Variants in LHX8 observed in about 807,000 individuals in gnomAD.
LHX8 encodes the protein LIM homeobox 8.
Under a neutral mutation model 40.3 loss-of-function variants are expected in LHX8, and 12 were observed. The ratio of observed to expected loss-of-function variants is 0.30; its 90% CI spans 0.19 to 0.48. LHX8 has a LOEUF of 0.48. LHX8 is among the 20% of genes least tolerant of loss of function. LHX8 has a pLI of 0.99. For missense variants in LHX8, 344 were observed against 433.7 expected, an observed-to-expected ratio of 0.79 and a Z score of 1.84; for synonymous variants, 179 against 162.0, an observed-to-expected ratio of 1.10 and a Z score of -0.80.
At chr1:75,133,736 T>C (rs1296059223), upstream of LHX8, among the ~76,000 whole-genome samples, 1 of 152,100 alleles carries the variant, frequency 6.6e-6, no homozygotes, top group Non-Finnish European at 1.5e-5. Context: ...AGTCAGAACT[T>C]GAGGCAGAAG....
the LHX8 span, among the ~76,000 whole-genome samples, chr1:75,174,858 G>T: frequency 6.6e-6 from 1 of 151,504 alleles, no homozygotes; most frequent in Non-Finnish European, 1.5e-5. Flanking sequence ...GGGGAAACAG[G>T]TGATGTTTGG....
chr1:75,159,391 T>G (rs1648855518), intron 8 of LHX8: 1 of 152,122 alleles, frequency 6.6e-6, no homozygotes, highest in Non-Finnish European at 1.5e-5. Context: ...TTATGGAAAA[T>G]TCTCAGCTTT....
chr1:75,190,570 T>C, the LHX8 span, among the ~76,000 whole-genome samples: 1 of 152,326 alleles, frequency 6.6e-6, no homozygotes, highest in East Asian at 1.9e-4. Context: ...TATCTTGTCC[T>C]AAATAAATAA....
chr1:75,134,470 G>A lies in LHX8; in HGVS notation c.-497G>A, dbSNP rs1168331461. 6.6e-6 allele frequency among the ~76,000 whole-genome samples: 1 copy of A among 151,526 alleles called. No individual in the cohort carries two copies. Among genetic ancestry groups the A allele is most frequent in the Non-Finnish European group, 1.5e-5 (1 of 67,974 alleles). ...ATCAGAAAGTGGTCAGGCCACAGCG[G>A]CCTCTTTGGACGAAGACACACTTGT... is the stretch of plus-strand genomic sequence containing the variant. On this transcript the variant is annotated 5_prime_UTR_variant, in exon 1 of 9. Coordinates refer to ENST00000356261, the MANE Select transcript of LHX8 (RefSeq NM_001256114.2).
At chr1:75,181,124 G>A in the LHX8 span, among the ~76,000 whole-genome samples, 1 of 152,296 alleles carries the variant, frequency 6.6e-6, no homozygotes, top group Non-Finnish European at 1.5e-5. Flanking sequence ...GTGTCAATCA[G>A]CCCCTACTGG....
chr1:75,166,532 T>A (rs1195114863), downstream of LHX8, among the ~76,000 whole-genome samples: 2 of 152,236 alleles, frequency 1.3e-5, no homozygotes, highest in African/African-American at 4.8e-5. Context: ...AGAGAACCAC[T>A]ACTAGTTATT....
intron 3 of LHX8, among the ~76,000 whole-genome samples, chr1:75,139,745 C>T (rs1306927599): frequency 1.3e-5 from 2 of 152,072 alleles, no homozygotes; most frequent in Non-Finnish European, 2.9e-5. Context: ...AAATGAGACT[C>T]TCATTAATGC....
At position 75,134,896 on chromosome 1, in the gene LHX8, G is replaced by A. The variant is rs1015839728; in HGVS notation, c.-71G>A. ...CTCCCCAAAAGCTCACTTAACCTGA[G>A]ACATGGAGACTGTAATTTGGGAGAT... On this transcript the variant is annotated 5_prime_UTR_variant, in exon 1 of 9. Transcript: ENST00000356261. 2.0e-6 allele frequency: 2 copies of A among 985,194 alleles called. No individual in the cohort carries two copies. The highest frequency in any genetic ancestry group is 1.7e-5 in the African/African-American group (1 of 57,304). 61.0% of individuals were successfully genotyped at this position (985,194 alleles called of 1,614,324 possible). A position where few individuals can be genotyped will look rare whatever the true frequency, so the allele number is the denominator to read the frequency against.
intron 7 of LHX8, among the ~76,000 whole-genome samples, chr1:75,154,342 TCTG>T (rs2100356807): frequency 6.6e-6 from 1 of 152,212 alleles, no homozygotes; most frequent in Admixed American, 6.5e-5. Flanking sequence ...AGATAGTTAT[TCTG>T]CTGTTTATAT....
intron 7 of LHX8, among the ~76,000 whole-genome samples, chr1:75,152,565 A>G (rs1291176479): frequency 6.6e-6 from 1 of 152,220 alleles, no homozygotes. Context: ...ATTTTTCACT[A>G]TTATAAAATG....
the LHX8 span, among the ~76,000 whole-genome samples, chr1:75,196,680 G>A: frequency 3.3e-5 from 5 of 152,140 alleles, no homozygotes; most frequent in African/African-American, 1.2e-4. Context: ...TTTGGTATCT[G>A]TATCTGCCTA....
chr1:75,160,750 T>A, intron 8 of LHX8, 69 bp from the exon 9 acceptor site: 2 of 1,042,262 alleles, frequency 1.9e-6, no homozygotes, highest in Non-Finnish European at 3.0e-6. Context: ...TTGGATTGTT[T>A]TTGTTTGTTT....
the LHX8 span, among the ~76,000 whole-genome samples, chr1:75,185,716 A>C: frequency 6.6e-6 from 1 of 152,186 alleles, no homozygotes; most frequent in Non-Finnish European, 1.5e-5. Context: ...AAGAGAAAAA[A>C]ACAAAGGGCA....
chr1:75,143,380 G>GA, intron 5 of LHX8, 42 bp downstream of exon 5: 1 of 1,408,092 alleles, frequency 7.1e-7, no homozygotes. Context: ...TTGAGACAGT[G>GA]AATACAGGAA....
chr1:75,151,683 C>T (rs1021513795), intron 7 of LHX8, among the ~76,000 whole-genome samples: 5 of 152,128 alleles, frequency 3.3e-5, no homozygotes, highest in South Asian at 2.1e-4. Context: ...CAGGTAGTTC[C>T]GACTCCACGG....
At chr1:75,168,402 T>G in the LHX8 span, among the ~76,000 whole-genome samples, 57 of 152,104 alleles carry the variant, frequency 3.7e-4, no homozygotes, top group Middle Eastern at 3.4e-3. Context: ...TTTACATTGT[T>G]TTTTAGTAGA....
chr1:75,155,182 G>A (rs902289047), intron 7 of LHX8, among the ~76,000 whole-genome samples: 5 of 150,532 alleles, frequency 3.3e-5, no homozygotes, highest in African/African-American at 4.9e-5. Context: ...AGAATTGTTT[G>A]GAGTGATGGA....
upstream of LHX8, among the ~76,000 whole-genome samples, chr1:75,134,050 G>T (rs1016018800): frequency 6.6e-6 from 1 of 152,010 alleles, no homozygotes; most frequent in Non-Finnish European, 1.5e-5. Flanking sequence ...TTCCCCTTCT[G>T]CTTGCTGCAG....
intron 7 of LHX8, among the ~76,000 whole-genome samples, chr1:75,155,479 C>A (rs923592097): frequency 2.0e-4 from 30 of 152,064 alleles, no homozygotes; most frequent in African/African-American, 6.5e-4. Context: ...TGTGATTCGC[C>A]CGCCTTGGCC....
Sources: allele counts gnomAD v4.1 joint callset (sites outside exome capture counted in the v4.1 genomes callset), GRCh38; gene constraint gnomAD v4.1.1; transcripts MANE v1.5; gene names NCBI Gene and HGNC (gene_info 2026-07-23, HGNC 2026-07-21).